Variants in KIRREL3 observed in about 807,000 individuals in gnomAD.
KIRREL3 encodes the protein kin of IRRE-like protein 3.
A neutral mutation model predicts 89.7 loss-of-function variants in KIRREL3; 36 were observed. That is an observed-to-expected ratio of 0.40 (90% CI 0.31 to 0.53). KIRREL3 has a LOEUF of 0.53. Among genes scored for constraint, KIRREL3 ranks in the 20% least tolerant of loss-of-function variants. KIRREL3 has a pLI of 0.49. For synonymous variants in KIRREL3, 445 were observed against 441.4 expected (o/e 1.01, Z -0.10); for missense variants, 864 against 1,056.6 (o/e 0.82, Z 2.53).
chr11:126,597,265 C>T lies in KIRREL3; in HGVS notation c.56-34353G>A, dbSNP rs575597175. Among the ~76,000 whole-genome samples the T allele has an allele frequency of 6.6e-5, 10 of 152,360 alleles. 1 individual carries two copies. The South Asian group carries it at 8.3e-4, about 13-fold the overall frequency. ...CCAGAGCCCGCCTGTCACTCTGCAG[C>T]TCCGCAATGTCGGGACACCAAAGGG... On this transcript the variant is annotated intron_variant, in intron 1 of 16. Coordinates refer to ENST00000525144, the MANE Select transcript of KIRREL3 (RefSeq NM_032531.4).
At chr11:126,863,906 C>T (rs1053708539) in intron 1 of KIRREL3, among the ~76,000 whole-genome samples, 3 of 152,180 alleles carry the variant, frequency 2.0e-5, no homozygotes, top group African/African-American at 7.2e-5. Flanking sequence ...GCTGCCAAAG[C>T]TTTCCTAGAG....
rs1946500162 is a variant in KIRREL3, at chr11:126,682,447, A to C, written c.56-119535T>G. ...GGTGATACTGAGTAGGTGTGCAATC[A>C]ATATTTGTTTTTTCCTGCCACTCCT... On this transcript the variant is annotated intron_variant, in intron 1 of 16. Transcript: ENST00000525144. This position sits in a 1 kb window ranked among gnomAD's most constrained non-coding sequence, Gnocchi z 4.8. Among the ~76,000 whole-genome samples, 1 of 152,036 alleles carries C rather than the reference A, an allele frequency of 6.6e-6. No homozygotes were observed. Among genetic ancestry groups the C allele is most frequent in the South Asian group, 2.1e-4 (1 of 4,812 alleles).
At chr11:126,851,992 G>A (rs73030433) in intron 1 of KIRREL3, among the ~76,000 whole-genome samples, 362 of 151,712 alleles carry the variant, frequency 2.4e-3, no homozygotes, top group Non-Finnish European at 3.7e-3. Context: ...GACCCTACTG[G>A]CTTTCCATTT....
At position 126,771,210 on chromosome 11, in the gene KIRREL3, C is replaced by A. The variant is rs985880624; in HGVS notation, c.56-208298G>T. ...TGCTTTTACAACCATTGTCTCAGTG[C>A]GTCCCTAAATAGCCTGGCAAGGAAG... On this transcript the variant is annotated intron_variant, in intron 1 of 16. Coordinates refer to ENST00000525144, the MANE Select transcript of KIRREL3 (RefSeq NM_032531.4). This position sits in a 1 kb window ranked among gnomAD's most constrained non-coding sequence, Gnocchi z 4.4. 1.3e-5 allele frequency among the ~76,000 whole-genome samples: 2 copies of A among 151,770 alleles called. No homozygotes were observed. The highest frequency in any genetic ancestry group is 2.9e-5 in the Non-Finnish European group (2 of 67,970).
At chr11:126,745,727 AGT>A (rs1949127409) in intron 1 of KIRREL3, among the ~76,000 whole-genome samples, 1 of 152,226 alleles carries the variant, frequency 6.6e-6, no homozygotes. Flanking sequence ...CTTAGCCTGC[AGT>A]GTCTCTCTGG....
At chr11:126,921,745 T>C (rs1252848590) in intron 1 of KIRREL3, among the ~76,000 whole-genome samples, 2 of 139,920 alleles carry the variant, frequency 1.4e-5, no homozygotes, top group Non-Finnish European at 3.1e-5. Context: ...TCTATATCTG[T>C]CTTCTATCTA....
chr11:126,633,607 C>T (rs544239844), intron 1 of KIRREL3, among the ~76,000 whole-genome samples: 251 of 152,270 alleles, frequency 1.6e-3, no homozygotes, highest in Non-Finnish European at 2.5e-3. Context: ...CTGCCATGAG[C>T]GGAAGATTCC....
rs1356257492 is a variant in KIRREL3 at position 126,993,806 on chromosome 11, A to G, written c.55+6649T>C. On this transcript the variant is annotated intron_variant, in intron 1 of 16. Coordinates refer to ENST00000525144, the MANE Select transcript of KIRREL3 (RefSeq NM_032531.4). The surrounding 1 kb of genome is among the most constrained non-coding windows in gnomAD (Gnocchi z 6.1). ...CTAGACTATGTGGAGCCCCTGGGGG[A>G]AAATGTGGAATAGTGACAGCGATGT... is the stretch of plus-strand genomic sequence containing the variant. 6.6e-6 allele frequency among the ~76,000 whole-genome samples: 1 copy of G among 152,088 alleles called. No individual in the cohort carries two copies. The highest frequency in any genetic ancestry group is 1.5e-5 in the Non-Finnish European group (1 of 68,004).
chr11:126,467,271 A>C (rs1243458822), intron 5 of KIRREL3, among the ~76,000 whole-genome samples: 1 of 152,146 alleles, frequency 6.6e-6, no homozygotes. Context: ...CCCTAAGGGC[A>C]GGGATTTGGC....
intron 1 of KIRREL3, among the ~76,000 whole-genome samples, chr11:126,599,035 G>A (rs1403892728): frequency 6.6e-6 from 1 of 152,130 alleles, no homozygotes; most frequent in Non-Finnish European, 1.5e-5. Flanking sequence ...AAGTCCCCTT[G>A]TGGGCTCCCA....
At chr11:126,850,801 A>T (rs939787611) in intron 1 of KIRREL3, among the ~76,000 whole-genome samples, 2 of 152,314 alleles carry the variant, frequency 1.3e-5, no homozygotes, top group South Asian at 4.2e-4. Context: ...GGACCTGAGG[A>T]TAATAGATTA....
At position 126,804,284 on chromosome 11, in the gene KIRREL3, C is replaced by T. The variant is rs1383863494; in HGVS notation, c.55+196171G>A. Among the ~76,000 whole-genome samples the T allele has an allele frequency of 7.9e-5, 12 of 152,304 alleles. No homozygotes were observed. The South Asian group carries it at 8.3e-4, about 11-fold the overall frequency. ...ACTTGCTGTCAAGAATCTCTGAGTT[C>T]TGTGGAGTGCAAAGTCTGAAGATGA... On this transcript the variant is annotated intron_variant, in intron 1 of 16. Coordinates refer to ENST00000525144, the MANE Select transcript of KIRREL3 (RefSeq NM_032531.4).
rs1941277154 is a variant in KIRREL3 at position 126,576,810 on chromosome 11, C to G, written c.56-13898G>C. On this transcript the variant is annotated intron_variant, in intron 1 of 16. Coordinates refer to ENST00000525144, the MANE Select transcript of KIRREL3 (RefSeq NM_032531.4). This position sits in a 1 kb window ranked among gnomAD's most constrained non-coding sequence, Gnocchi z 5.4. ...TGAGGAGCAAGGGATTCCTGAGCCA[C>G]AAATGAGGCTCTCCCTACTGGAATG... Among the ~76,000 whole-genome samples, 1 of 152,216 alleles carries G rather than the reference C, an allele frequency of 6.6e-6. No homozygotes were observed.
Position 126,855,850 on chromosome 11 carries a change from T to G in KIRREL3, c.55+144605A>C, listed in dbSNP as rs78574890. Among the ~76,000 whole-genome samples the G allele has an allele frequency of 3.6e-3, 542 of 152,288 alleles. 1 individual carries two copies. The highest frequency in any genetic ancestry group is 0.012 in the African/African-American group (484 of 41,548). On this transcript the variant is annotated intron_variant, in intron 1 of 16. Coordinates refer to ENST00000525144, the MANE Select transcript of KIRREL3 (RefSeq NM_032531.4). ...CCATCTCTATGCCCTCTGGGCTCCTTCATCAGGGTTTCTCTGGACCTGGTC... is the reference window on the plus strand; with the variant it reads ...CCATCTCTATGCCCTCTGGGCTCCTGCATCAGGGTTTCTCTGGACCTGGTC...
chr11:126,439,749 T>C (rs1591533996), intron 11 of KIRREL3, among the ~76,000 whole-genome samples: 1 of 149,784 alleles, frequency 6.7e-6, no homozygotes, highest in African/African-American at 2.5e-5. Flanking sequence ...AACTGGGAGG[T>C]GGAGGTTGCA....
chr11:126,666,844 T>C lies in KIRREL3; in HGVS notation c.56-103932A>G, dbSNP rs1391026790. Among the ~76,000 whole-genome samples, 2 of 152,174 alleles carry C rather than the reference T, an allele frequency of 1.3e-5. No individual in the cohort carries two copies. The highest frequency in any genetic ancestry group is 2.9e-5 in the Non-Finnish European group (2 of 68,028). On this transcript the variant is annotated intron_variant, in intron 1 of 16. Transcript: ENST00000525144. This position sits in a 1 kb window ranked among gnomAD's most constrained non-coding sequence, Gnocchi z 4.2. Reference sequence around the variant, plus strand: ...AATCACCATTGCTGGTACAGGTATATTCATTTTGGGTCTGGGATGGATACA... The same window carrying C: ...AATCACCATTGCTGGTACAGGTATACTCATTTTGGGTCTGGGATGGATACA...
At chr11:126,858,842 C>T (rs1486127514) in intron 1 of KIRREL3, among the ~76,000 whole-genome samples, 2 of 152,222 alleles carry the variant, frequency 1.3e-5, no homozygotes, top group Admixed American at 6.5e-5. Context: ...TGGCAGAACA[C>T]TCTTCACCTG....
intron 1 of KIRREL3, among the ~76,000 whole-genome samples, chr11:126,793,538 G>A (rs555771672): frequency 1.3e-5 from 2 of 152,308 alleles, no homozygotes; most frequent in Admixed American, 1.3e-4. Flanking sequence ...TCCTGCAGAA[G>A]GTGCATGGCC....
chr11:126,562,839 A>G lies in KIRREL3; in HGVS notation c.129T>C (p.Asn43=), dbSNP rs1347149865. Residue 43 remains asparagine (N), a synonymous_variant, in exon 2 of 17, where the codon AAT becomes AAC. Transcript: ENST00000525144. This position sits in a 1 kb window ranked among gnomAD's most constrained non-coding sequence, Gnocchi z 4.7. ...AATGGGGAGGTTCTCACTGACCTTC[A>G]TTCATTCTCCGAAACTTGTCCTTGG... ...YMAKDKFRRM[N]EGQVYSFSQQ... 3 of 1,613,332 alleles carry G rather than the reference A, an allele frequency of 1.9e-6. No homozygotes were observed. The highest frequency in any genetic ancestry group is 2.2e-5 in the East Asian group (1 of 44,872).
Sources: gnomAD v4.1 joint callset for allele counts (sites outside exome capture counted in the v4.1 genomes callset) on GRCh38, gnomAD v4.1.1 for gene constraint, Gnocchi (gnomAD v3.1) non-coding constraint, MANE v1.5 for transcripts, NCBI Gene and HGNC (gene_info 2026-07-23, HGNC 2026-07-21) for gene names.